The following SLC66A3 variants were observed in gnomAD, a reference collection of about 807,000 sequenced individuals.
SLC66A3 encodes PQ loop repeat containing 3.
In SLC66A3, 23 loss-of-function variants were observed where a neutral mutation model predicts 25.5. The observed-to-expected ratio is 0.90, with a 90% CI of 0.65 to 1.28. The LOEUF (loss-of-function observed/expected upper bound fraction) is 1.28. SLC66A3 is among the 50% of genes most tolerant of loss of function. The pLI is 0.00. For synonymous variants in SLC66A3, 108 were observed against 112.6 expected, an observed-to-expected ratio of 0.96 and a Z score of 0.26; for missense variants, 246 against 262.1, an observed-to-expected ratio of 0.94 and a Z score of 0.42.
intron 5 of SLC66A3, 143 bp from the exon 6 acceptor site, chr2:11,174,825 T>C (rs1662679187): frequency 2.0e-6 from 1 of 498,804 alleles, no homozygotes; most frequent in South Asian, 4.2e-5. Flanking sequence ...GAATAGTTAA[T>C]ATATGTTGTT....
At chr2:11,171,421 G>C (rs1425715234) in intron 4 of SLC66A3, among the ~76,000 whole-genome samples, 1 of 152,070 alleles carries the variant, frequency 6.6e-6, no homozygotes, top group African/African-American at 2.4e-5. Flanking sequence ...ACTCCAGCCT[G>C]GGTGACAGAG....
chr2:11,162,563 G>A (rs1237132083), intron 3 of SLC66A3, among the ~76,000 whole-genome samples: 4 of 152,122 alleles, frequency 2.6e-5, no homozygotes, highest in South Asian at 2.1e-4. Flanking sequence ...TACGGAGAGC[G>A]AAAGAATAGG....
In SLC66A3 at chr2:11,155,636, G is replaced by A; in HGVS notation, c.90G>A (p.Ala30=). The stretch of plus-strand genomic sequence containing the variant: ...TGCCGCAGATCTCCGCTGTGCTAGC[G>A]GCGCGCAGCGCGCGGGGCCTCAGCC... ...LKLPQISAVL[A]ARSARGLSLP... is the part of the protein sequence containing the mutation. The change falls in exon 1 of 7, where the codon GCG becomes GCA. Residue 30 remains alanine (A), a synonymous_variant. Coordinates refer to ENST00000295083, the MANE Select transcript of SLC66A3 (RefSeq NM_152391.5). The A allele has an allele frequency of 1.3e-6, 2 of 1,514,404 alleles. No homozygotes were observed. Among genetic ancestry groups the A allele is most frequent in the Non-Finnish European group, 1.8e-6 (2 of 1,142,448 alleles). The allele number at this position is 1,514,404 out of a possible 1,614,324, so 93.8% of individuals were successfully genotyped here. A position where few individuals can be genotyped will look rare whatever the true frequency, so the allele number is the denominator to read the frequency against.
chr2:11,164,266 G>A lies in SLC66A3; in HGVS notation c.354+5G>A. ...TGGATCATAGACCTGGCCATGGTAA[G>A]TATTATGCTTGAAAAGAAAGTAGGA... On this transcript the variant is annotated splice_donor_5th_base_variant and intron_variant, in intron 4 of 6. Transcript: ENST00000295083. The A allele has an allele frequency of 6.6e-7, 1 of 1,511,990 alleles. No homozygotes were observed. Among genetic ancestry groups the A allele is most frequent in the Non-Finnish European group, 8.9e-7 (1 of 1,128,730 alleles). 93.7% of individuals were successfully genotyped at this position (1,511,990 alleles called of 1,614,324 possible).
intron 4 of SLC66A3, among the ~76,000 whole-genome samples, chr2:11,165,988 C>T (rs991819867): frequency 6.6e-6 from 1 of 152,204 alleles, no homozygotes; most frequent in Non-Finnish European, 1.5e-5. Context: ...TTCGGCTCGG[C>T]ATCAGAGGGA....
chr2:11,158,797 C>T (rs191184732), intron 1 of SLC66A3, among the ~76,000 whole-genome samples: 272 of 150,864 alleles, frequency 1.8e-3, no homozygotes, highest in Non-Finnish European at 2.9e-3. Context: ...CCAGCCTGGG[C>T]GACAGAGCAA....
chr2:11,174,834 T>A (rs1038337195), intron 5 of SLC66A3, 134 bp from the exon 6 acceptor site: 11 of 523,572 alleles, frequency 2.1e-5, no homozygotes, highest in Admixed American at 3.9e-5. Context: ...ATATATGTTG[T>A]TAAAAAAAGA....
At chr2:11,173,081 T>G (rs1210634780) in intron 5 of SLC66A3, among the ~76,000 whole-genome samples, 2 of 152,196 alleles carry the variant, frequency 1.3e-5, no homozygotes, top group African/African-American at 4.8e-5. Context: ...CAGGCTGGTT[T>G]TGAACTCCTG....
In SLC66A3 at chr2:11,169,837, C is replaced by CTTTTTTTTTTTTTTTTTT. The variant is rs1186098636; in HGVS notation, c.355-2085_355-2068dup. ...GATTAGAATCACCCTGGATTTCTCT[C>CTTTTTTTTTTTTTTTTTT]TTTTTTTTTTTTTTTTTTTTGAGAC... On this transcript the variant is annotated intron_variant, in intron 4 of 6. Coordinates refer to ENST00000295083, the MANE Select transcript of SLC66A3 (RefSeq NM_152391.5). Among the ~76,000 whole-genome samples the CTTTTTTTTTTTTTTTTTT allele has an allele frequency of 3.4e-5, 3 of 89,046 alleles. 1 individual carries two copies. The highest frequency in any genetic ancestry group is 6.1e-5 in the Non-Finnish European group (3 of 49,046). The allele number at this position is 89,046 out of a possible 152,430, so 58.4% of individuals were successfully genotyped here.
intron 4 of SLC66A3, among the ~76,000 whole-genome samples, 164 bp from the exon 5 acceptor site, chr2:11,171,761 T>G (rs542102969): frequency 8.8e-4 from 134 of 152,148 alleles, no homozygotes; most frequent in African/African-American, 3.0e-3. Flanking sequence ...GTAGAGACGG[T>G]GTTTCACCGT....
intron 4 of SLC66A3, among the ~76,000 whole-genome samples, chr2:11,170,622 T>C (rs1477089461): frequency 6.7e-6 from 1 of 150,220 alleles, no homozygotes; most frequent in East Asian, 2.0e-4. Context: ...GGAGTTGCAC[T>C]CTGTTGCCAG....
intron 3 of SLC66A3, among the ~76,000 whole-genome samples, chr2:11,161,485 C>G (rs906093979): frequency 1.3e-5 from 2 of 151,784 alleles, no homozygotes; most frequent in African/African-American, 4.8e-5. Flanking sequence ...TTTGTAGATA[C>G]GGGGTCTCAC....
At chr2:11,160,433 C>T in intron 1 of SLC66A3, 33 bp from the exon 2 acceptor site, 3 of 1,600,554 alleles carry the variant, frequency 1.9e-6, no homozygotes, top group East Asian at 2.2e-5. Context: ...CGTTTTGGGG[C>T]AGCCGTGTGG....
rs964388829 is a variant in SLC66A3, at chr2:11,164,197, T to C, written c.297-7T>C. 1 of 1,573,330 alleles carries C rather than the reference T, an allele frequency of 6.4e-7. No individual in the cohort carries two copies. The highest frequency in any genetic ancestry group is 8.6e-7 in the Non-Finnish European group (1 of 1,157,286). On this transcript the variant is annotated splice_polypyrimidine_tract_variant and splice_region_variant and intron_variant, in intron 3 of 6. Transcript: ENST00000295083. Reference sequence around the variant, plus strand: ...ACCCACTGCTGTGTCCCTTAGCACTTGGTAAGATTGGTGTCTTCTTGGTTC... The same window carrying C: ...ACCCACTGCTGTGTCCCTTAGCACTCGGTAAGATTGGTGTCTTCTTGGTTC...
At chr2:11,172,201 C>T (rs1662580712) in intron 5 of SLC66A3, among the ~76,000 whole-genome samples, 156 bp downstream of exon 5, 1 of 151,656 alleles carries the variant, frequency 6.6e-6, no homozygotes, top group Non-Finnish European at 1.5e-5. Flanking sequence ...TCCATGTTTA[C>T]AAAGATGATT....
chr2:11,159,495 T>A (rs547051082), intron 1 of SLC66A3, among the ~76,000 whole-genome samples: 1 of 152,186 alleles, frequency 6.6e-6, no homozygotes, highest in Admixed American at 6.5e-5. Context: ...GGCAACACTG[T>A]GACCTCCTCT....
rs546909737 is a variant in SLC66A3 at position 11,166,573 on chromosome 2, C to T, written c.354+2312C>T. On this transcript the variant is annotated intron_variant, in intron 4 of 6. Transcript: ENST00000295083. Reference sequence around the variant, plus strand: ...AGGGTTGCCATATTAACAAGGAACACTTTTTCAGTACGTGTATGTCCAAAA... The same window carrying T: ...AGGGTTGCCATATTAACAAGGAACATTTTTTCAGTACGTGTATGTCCAAAA... Among the ~76,000 whole-genome samples, 8 of 152,306 alleles carry T rather than the reference C, an allele frequency of 5.3e-5. No individual in the cohort carries two copies. The South Asian group carries it at 1.5e-3, about 28-fold the overall frequency.
intron 4 of SLC66A3, 61 bp downstream of exon 4, chr2:11,164,322 G>GAGATATATATATATATATATAT (rs1278671534): frequency 6.1e-6 from 2 of 327,042 alleles, no homozygotes; most frequent in African/African-American, 6.7e-5. Context: ...GAACTTGATA[G>GAGATATATATATATATATATAT]ATATTTATAT....
Position 11,165,438 on chromosome 2 carries a change from G to C in SLC66A3, c.354+1177G>C, listed in dbSNP as rs1206179436. ...CCCAGACTGGGCAGCCGGGCAGAGG[G>C]GCTCCTCACATCCCAGACGGGGCGA... On this transcript the variant is annotated intron_variant, in intron 4 of 6. Coordinates refer to ENST00000295083, the MANE Select transcript of SLC66A3 (RefSeq NM_152391.5). 8.7e-4 allele frequency among the ~76,000 whole-genome samples: 129 copies of C among 149,042 alleles called. 1 individual carries two copies. The highest frequency in any genetic ancestry group is 1.3e-3 in the Non-Finnish European group (88 of 67,348).
Sources: gnomAD v4.1 joint callset for allele counts (sites outside exome capture counted in the v4.1 genomes callset) on GRCh38, gnomAD v4.1.1 for gene constraint, MANE v1.5 for transcripts, NCBI Gene and HGNC (gene_info 2026-07-23, HGNC 2026-07-21) for gene names.